NOVA1: variants seen among roughly 807,000 people sequenced by gnomAD.
NOVA1 encodes the protein RNA-binding protein Nova-1.
In NOVA1, 7 loss-of-function variants were observed where a neutral mutation model predicts 38.0. The observed-to-expected ratio is 0.18, with a 90% confidence interval of 0.10 to 0.35. NOVA1 has a LOEUF of 0.35. Ranked by LOEUF, NOVA1 falls within the 10% of genes least tolerant of loss-of-function variation. The pLI is 1.00. For missense variants in NOVA1, 460 were observed against 616.0 expected, an observed-to-expected ratio of 0.75 and a Z score of 2.68; for synonymous variants, 270 against 232.5, an observed-to-expected ratio of 1.16 and a Z score of -1.47.
At chr14:26,596,114 C>A (rs1894170876) in intron 1 of NOVA1, 1 of 233,804 alleles carries the variant, frequency 4.3e-6, no homozygotes, top group Non-Finnish European at 8.6e-6. Context: ...GGGGTGTATT[C>A]CAAGTCTTCA....
intron 2 of NOVA1, among the ~76,000 whole-genome samples, chr14:26,495,681 G>A (rs1391604432): frequency 2.1e-5 from 3 of 140,406 alleles, no homozygotes; most frequent in African/African-American, 5.4e-5. Flanking sequence ...AGAGTGTGAC[G>A]TTCCCCTTCC....
intron 2 of NOVA1, among the ~76,000 whole-genome samples, chr14:26,564,274 G>T (rs532547824): frequency 1.3e-5 from 2 of 152,058 alleles, no homozygotes; most frequent in Admixed American, 1.3e-4. Context: ...TGTAGCTAAC[G>T]GTACTAACAG....
In NOVA1 at chr14:26,597,778, G is replaced by A; in HGVS notation, c.-342C>T. 2 of 832,548 alleles carry A rather than the reference G, an allele frequency of 2.4e-6. No individual in the cohort carries two copies. The highest frequency in any genetic ancestry group is 2.9e-6 in the Non-Finnish European group (2 of 682,994). 51.6% of individuals were successfully genotyped at this position (832,548 alleles called of 1,614,324 possible). On this transcript the variant is annotated 5_prime_UTR_variant, in exon 1 of 5. Coordinates refer to ENST00000539517, the MANE Select transcript of NOVA1 (RefSeq NM_002515.3). The stretch of plus-strand genomic sequence containing the variant: ...AGGGGCGAGTGAATGAGCGGGAGGA[G>A]GGGACCGGGGAGGACAGGCAGAGGG...
chr14:26,458,915 A>C (rs2138599156), intron 4 of NOVA1, among the ~76,000 whole-genome samples: 1 of 152,286 alleles, frequency 6.6e-6, no homozygotes, highest in African/African-American at 2.4e-5. Flanking sequence ...TTTAGAAGTC[A>C]AAAGAGCCAA....
At chr14:26,596,023 G>C (rs1894165625) in intron 1 of NOVA1, 2 of 295,470 alleles carry the variant, frequency 6.8e-6, no homozygotes, top group African/African-American at 4.6e-5. Flanking sequence ...GACACATAAG[G>C]ACTACAATTA....
intron 2 of NOVA1, among the ~76,000 whole-genome samples, chr14:26,565,134 T>C (rs1002123965): frequency 6.6e-6 from 1 of 152,160 alleles, no homozygotes; most frequent in Admixed American, 6.5e-5. Flanking sequence ...ACTTTTGTAG[T>C]TGGTCTTCGT....
intron 2 of NOVA1, among the ~76,000 whole-genome samples, chr14:26,572,413 A>AT (rs1227949720): frequency 6.6e-6 from 1 of 152,162 alleles, no homozygotes; most frequent in Non-Finnish European, 1.5e-5. Context: ...AAGAGAATAC[A>AT]TTTTTTGACA....
At chr14:26,554,252 A>G (rs1891346678) in intron 2 of NOVA1, among the ~76,000 whole-genome samples, 2 of 152,242 alleles carry the variant, frequency 1.3e-5, no homozygotes, top group Middle Eastern at 3.4e-3. Flanking sequence ...ACAAACAGAA[A>G]AAAAGGGAAC....
At chr14:26,472,014 A>G (rs1884622326) in intron 4 of NOVA1, 1 of 402,460 alleles carries the variant, frequency 2.5e-6, no homozygotes. Context: ...AGATACAATA[A>G]GGGAGATTAA....
At chr14:26,524,485 T>C (rs540263741) in intron 2 of NOVA1, among the ~76,000 whole-genome samples, 113 of 152,180 alleles carry the variant, frequency 7.4e-4, no homozygotes, top group African/African-American at 2.6e-3. Context: ...ATAGTAATAA[T>C]ATGAATTCTA....
chr14:26,536,716 C>T (rs1443517339), intron 2 of NOVA1, among the ~76,000 whole-genome samples: 1 of 151,592 alleles, frequency 6.6e-6, no homozygotes, highest in Non-Finnish European at 1.5e-5. Context: ...TAAGCAAAAA[C>T]ACAAAATGGA....
chr14:26,480,868 A>C (rs181423577), intron 2 of NOVA1, among the ~76,000 whole-genome samples: 4 of 152,212 alleles, frequency 2.6e-5, no homozygotes, highest in African/African-American at 9.6e-5. Flanking sequence ...ACTAAACATG[A>C]AATTTAAATA....
At chr14:26,546,730 T>C (rs561034969) in intron 2 of NOVA1, among the ~76,000 whole-genome samples, 162 of 152,270 alleles carry the variant, frequency 1.1e-3, no homozygotes, top group Middle Eastern at 3.4e-3. Context: ...GAAAAATTCA[T>C]ATAACTTGGC....
intron 2 of NOVA1, 41 bp downstream of exon 2, chr14:26,595,369 G>C (rs766893370): frequency 6.3e-7 from 1 of 1,591,726 alleles, no homozygotes; most frequent in Non-Finnish European, 8.6e-7. Flanking sequence ...TTTCTTTCCT[G>C]TGGGGAGCTC....
chr14:26,550,429 AG>A (rs1293118002), intron 2 of NOVA1, among the ~76,000 whole-genome samples: 1 of 152,208 alleles, frequency 6.6e-6, no homozygotes, highest in Non-Finnish European at 1.5e-5. Context: ...AATCAAATTA[AG>A]ATAGACCCTA....
At chr14:26,535,865 G>A (rs1392194478) in intron 2 of NOVA1, among the ~76,000 whole-genome samples, 1 of 151,784 alleles carries the variant, frequency 6.6e-6, no homozygotes, top group East Asian at 1.9e-4. Flanking sequence ...TGTAGTCCCA[G>A]CTACTCAGGT....
intron 2 of NOVA1, among the ~76,000 whole-genome samples, chr14:26,579,936 T>A (rs1893106127): frequency 6.6e-6 from 1 of 152,128 alleles, no homozygotes. Flanking sequence ...AAAATTAAAT[T>A]ATTTTTAGAG....
chr14:26,511,565 A>G (rs1888088497), intron 2 of NOVA1, among the ~76,000 whole-genome samples: 1 of 152,106 alleles, frequency 6.6e-6, no homozygotes, highest in Admixed American at 6.6e-5. Flanking sequence ...CATCCTGGCC[A>G]ACATGGTGAA....
At chr14:26,514,412 ATATAAT>A (rs1315821416) in intron 2 of NOVA1, among the ~76,000 whole-genome samples, 10 of 151,882 alleles carry the variant, frequency 6.6e-5, no homozygotes, top group Non-Finnish European at 1.0e-4. Flanking sequence ...TTAATATTTC[ATATAAT>A]TATAACAAAG....
Sources: allele counts gnomAD v4.1 joint callset (sites outside exome capture counted in the v4.1 genomes callset), GRCh38; gene constraint gnomAD v4.1.1; transcripts MANE v1.5; gene names NCBI Gene and HGNC (gene_info 2026-07-23, HGNC 2026-07-21).